Variants in ATP2B3 observed in about 807,000 individuals in gnomAD.
ATP2B3 encodes the protein plasma membrane calcium-transporting ATPase 3.
ATP2B3 carries 12 observed loss-of-function variants against 70.8 expected under a neutral mutation model. That is an observed-to-expected ratio of 0.17 (90% CI 0.11 to 0.27). The LOEUF is 0.27. Among genes scored for constraint, ATP2B3 ranks in the 10% least tolerant of loss-of-function variants. ATP2B3 has a pLI of 1.00. For missense variants in ATP2B3, 858 were observed against 1,118.5 expected (o/e 0.77, Z 3.32); for synonymous variants, 460 against 497.8 (o/e 0.92, Z 1.01).
chrX:153,567,909 T>C (rs1178548236), intron 21 of ATP2B3, among the ~76,000 whole-genome samples: 3 of 112,675 alleles, frequency 2.7e-5, no homozygotes, highest in African/African-American at 6.4e-5. Context: ...TAAGAGCATC[T>C]GCTCTCTTTG....
intron 2 of ATP2B3, among the ~76,000 whole-genome samples, chrX:153,534,292 C>A (rs1557003015): frequency 8.9e-6 from 1 of 112,127 alleles, no homozygotes; most frequent in Non-Finnish European, 1.9e-5. Flanking sequence ...ACCCAGCTGT[C>A]CTCTGGCTCT....
chrX:153,541,685 G>C lies in ATP2B3; in HGVS notation c.423G>C (p.Ser141=), dbSNP rs782291889. ...TCCGCACAGCCTGTGGGAATGTGTCGGGAGGCGCAGAAGATGAGGGCGAGG... is the reference window on the plus strand; with the variant it reads ...TCCGCACAGCCTGTGGGAATGTGTCCGGAGGCGCAGAAGATGAGGGCGAGG... ...GEESEACGNV[S]GGAEDEGEAE... is the part of the protein sequence containing the mutation. The change falls in exon 5 of 22, where the codon TCG becomes TCC. Residue 141 remains serine, a synonymous_variant. Coordinates refer to ENST00000263519, the MANE Select transcript of ATP2B3 (RefSeq NM_001001344.3). The C allele has an allele frequency of 1.7e-6, 2 of 1,211,335 alleles. No homozygotes were observed. The highest frequency in any genetic ancestry group is 2.2e-6 in the Non-Finnish European group (2 of 895,381).
Position 153,543,561 on chromosome X carries a change from G to A in ATP2B3, c.916+393G>A, listed in dbSNP as rs782246245. Among the ~76,000 whole-genome samples, 29 of 112,791 alleles carry A rather than the reference G, an allele frequency of 2.6e-4. 1 individual carries two copies. In the East Asian group the frequency reaches 8.2e-3, roughly 32 times the overall value. ...GTGGGAGGCAGCCAGGGAGGTGGGG[G>A]TCAGAGGTCAGAGGAGGCTGGGACA... On this transcript the variant is annotated intron_variant, in intron 7 of 21. Coordinates refer to ENST00000263519, the MANE Select transcript of ATP2B3 (RefSeq NM_001001344.3).
chrX:153,542,392 C>T lies in ATP2B3; in HGVS notation c.734C>T (p.Thr245Met), dbSNP rs375375490. 2.5e-6 allele frequency: 3 copies of T among 1,211,781 alleles called. No individual in the cohort carries two copies. The highest frequency in any genetic ancestry group is 3.0e-5 in the East Asian group (1 of 33,842). The stretch of plus-strand genomic sequence containing the variant: ...CTCAAGATCGACGAGAGCTCCCTGA[C>T]GGGCGAGTCTGACCACGTGCGCAAG... The part of the protein sequence containing the change: ...NDLKIDESSL[T>M]GESDHVRKSA... Residue 245 changes from threonine (T) to methionine (M), a missense_variant, in exon 6 of 22, where the codon ACG (threonine) becomes ATG (methionine). Physicochemically the swap from Thr to Met is moderately conservative, Grantham distance 81. Transcript: ENST00000263519.
chrX:153,574,947 G>A (rs1232419355), intron 21 of ATP2B3: 8 of 300,894 alleles, frequency 2.7e-5, no homozygotes, highest in Non-Finnish European at 5.3e-5. Context: ...GCTCATCCAC[G>A]CAAGTCGGGA....
chrX:153,522,854 C>T (rs1187473189), intron 2 of ATP2B3, among the ~76,000 whole-genome samples: 2 of 108,965 alleles, frequency 1.8e-5, no homozygotes, highest in African/African-American at 6.7e-5. Flanking sequence ...ATATGCCCAG[C>T]GCACTGCCTG....
intron 2 of ATP2B3, among the ~76,000 whole-genome samples, chrX:153,524,382 C>T (rs1369077467): frequency 1.8e-5 from 2 of 111,436 alleles, no homozygotes. Flanking sequence ...TAGTCTCTGT[C>T]CCGACTACTC....
chrX:153,565,264 G>C (rs1463983490), intron 21 of ATP2B3, among the ~76,000 whole-genome samples, 161 bp downstream of exon 21: 1 of 113,643 alleles, frequency 8.8e-6, no homozygotes, highest in African/African-American at 3.2e-5. Context: ...TGTCCCCTTT[G>C]CCATTCCGGG....
At chrX:153,561,005 C>A in intron 19 of ATP2B3, 118 bp downstream of exon 19, 29 of 826,329 alleles carry the variant, frequency 3.5e-5, no homozygotes, top group Non-Finnish European at 5.0e-5. Context: ...CCAGAAGGAG[C>A]CCCACCCCAC....
At chrX:153,531,328 CCT>C (rs781809813) in intron 2 of ATP2B3, among the ~76,000 whole-genome samples, 2 of 113,419 alleles carry the variant, frequency 1.8e-5, no homozygotes, top group South Asian at 7.2e-4. Context: ...CTGGGCCACA[CCT>C]CTCGCTGTTG....
intron 2 of ATP2B3, among the ~76,000 whole-genome samples, chrX:153,532,389 GGGGAAAGA>G: frequency 8.9e-6 from 1 of 112,971 alleles, no homozygotes; most frequent in Non-Finnish European, 1.9e-5. Context: ...GGACAACATA[GGGGAAAGA>G]GGACCCCTGG....
intron 8 of ATP2B3, among the ~76,000 whole-genome samples, 196 bp from the exon 9 acceptor site, chrX:153,547,639 G>A (rs782018228): frequency 2.7e-5 from 3 of 111,407 alleles, no homozygotes; most frequent in South Asian, 7.8e-4. Flanking sequence ...CAGTGCTGGA[G>A]CCACCCCACC....
At chrX:153,537,176 AG>A (rs1246029305) in intron 3 of ATP2B3, among the ~76,000 whole-genome samples, 1 of 113,248 alleles carries the variant, frequency 8.8e-6, no homozygotes, top group African/African-American at 3.2e-5. Context: ...CGGCCTTGTG[AG>A]GCCTGCCCAG....
At position 153,542,059 on chromosome X, in the gene ATP2B3, G is replaced by A. The variant is rs924728122; in HGVS notation, c.664+133G>A. On this transcript the variant is annotated intron_variant, in intron 5 of 21. Transcript: ENST00000263519. Reference sequence around the variant, plus strand: ...TGTCGTCACCTGCCTTAGGAGGCGGGAGGTGGCGGGGGTGGGGGAGGTGGG... The same window carrying A: ...TGTCGTCACCTGCCTTAGGAGGCGGAAGGTGGCGGGGGTGGGGGAGGTGGG... 164 of 604,718 alleles carry A rather than the reference G, an allele frequency of 2.7e-4. 2 individuals carry two copies. Among genetic ancestry groups the A allele is most frequent in the Non-Finnish European group, 3.4e-4 (158 of 461,619 alleles). The allele number at this position is 604,718 out of a possible 1,213,427, so 49.8% of individuals were successfully genotyped here. A position where few individuals can be genotyped will look rare whatever the true frequency, so the allele number is the denominator to read the frequency against.
At chrX:153,533,633 T>A (rs1557002715) in intron 2 of ATP2B3, among the ~76,000 whole-genome samples, 1 of 110,517 alleles carries the variant, frequency 9.0e-6, no homozygotes, top group Non-Finnish European at 1.9e-5. Flanking sequence ...GGAGCTTGCT[T>A]GCTGAGGGGT....
chrX:153,526,579 G>A (rs2090036924), intron 2 of ATP2B3, among the ~76,000 whole-genome samples: 1 of 112,261 alleles, frequency 8.9e-6, no homozygotes, highest in African/African-American at 3.2e-5. Flanking sequence ...ACGCGATTCA[G>A]ACAGCAGCCA....
At chrX:153,549,891 G>A in intron 11 of ATP2B3, 152 bp downstream of exon 11, 1 of 1,075,830 alleles carries the variant, frequency 9.3e-7, no homozygotes, top group East Asian at 3.3e-5. Flanking sequence ...CTCTGGCTGG[G>A]AAACTGCCTG....
Position 153,559,915 on chromosome X carries a change from G to A in ATP2B3, c.2812G>A (p.Ala938Thr), listed in dbSNP as rs201639064. ...TCTGGGCCACGCCGTGTACCAGCTC[G>A]CCATCATCTTCACCCTGCTGTTTGT... ...NILGHAVYQL[A>T]IIFTLLFVGE... The change falls in exon 18 of 22, where the codon GCC (alanine) becomes ACC (threonine). Residue 938 changes from alanine (A) to threonine (T), a missense_variant. Physicochemically the swap from Ala to Thr is moderately conservative, Grantham distance 58. Around this residue, in one of 5 missense-constraint regions of ATP2B3, gnomAD observed 265 missense variants for 305.3 expected, o/e 0.87. Coordinates refer to ENST00000263519, the MANE Select transcript of ATP2B3 (RefSeq NM_001001344.3). 43 of 1,209,719 alleles carry A rather than the reference G, an allele frequency of 3.6e-5. No individual in the cohort carries two copies. Among genetic ancestry groups the A allele is most frequent in the Middle Eastern group, 2.3e-4 (1 of 4,356 alleles).
chrX:153,523,930 AGGTGATCC>A (rs782344249), intron 2 of ATP2B3, among the ~76,000 whole-genome samples: 1 of 110,777 alleles, frequency 9.0e-6, no homozygotes, highest in African/African-American at 3.3e-5. Flanking sequence ...ACCTCACCTC[AGGTGATCC>A]ACCCACCTCG....
Sources: allele counts gnomAD v4.1 joint callset (sites outside exome capture counted in the v4.1 genomes callset), GRCh38; gene constraint gnomAD v4.1.1; regional missense constraint gnomAD v4.1.1; transcripts MANE v1.5; gene names NCBI Gene and HGNC (gene_info 2026-07-23, HGNC 2026-07-21).